The following CHMP7 variants were observed in gnomAD, a reference collection of about 807,000 sequenced individuals.
The protein encoded by CHMP7 is charged multivesicular body protein 7.
CHMP7 carries 15 observed loss-of-function variants against 53.7 expected under a neutral mutation model. The observed-to-expected ratio is 0.28, with a 90% CI of 0.19 to 0.43. The LOEUF is 0.43. Ranked by LOEUF, CHMP7 falls within the 20% of genes least tolerant of loss-of-function variation. CHMP7 has a pLI of 1.00. For synonymous variants in CHMP7, 261 were observed against 228.0 expected, an observed-to-expected ratio of 1.14 and a Z score of -1.30; for missense variants, 527 against 569.4, an observed-to-expected ratio of 0.93 and a Z score of 0.76.
intron 10 of CHMP7, 44 bp from the exon 11 acceptor site, chr8:23,260,494 A>C: frequency 6.3e-7 from 1 of 1,595,322 alleles, no homozygotes; most frequent in Non-Finnish European, 8.6e-7. Flanking sequence ...CTTCATCTTC[A>C]AGATTTTCCT....
chr8:23,259,257 C>T (rs1249968001), intron 9 of CHMP7, 131 bp downstream of exon 9: 6 of 506,464 alleles, frequency 1.2e-5, no homozygotes, highest in Non-Finnish European at 2.1e-5. Context: ...CAAGCTCCGC[C>T]TCCCGGGTTC....
chr8:23,247,001 G>A lies in CHMP7; in HGVS notation c.299+7G>A. 6.6e-7 allele frequency: 1 copy of A among 1,516,678 alleles called. No individual in the cohort carries two copies. The allele number at this position is 1,516,678 out of a possible 1,614,324, so 94.0% of individuals were successfully genotyped here. A position where few individuals can be genotyped will look rare whatever the true frequency, so the allele number is the denominator to read the frequency against. ...TGCTGCAGGACCTGCTGCGGTGAGGGGCGGGCTGGGGCCAGGGCCGCGAGG... is the reference window on the plus strand; with the variant it reads ...TGCTGCAGGACCTGCTGCGGTGAGGAGCGGGCTGGGGCCAGGGCCGCGAGG... On this transcript the variant is annotated splice_region_variant and intron_variant, in intron 2 of 10. Transcript: ENST00000397677.
In CHMP7 at chr8:23,256,445, C is replaced by T. The variant is rs763188511; in HGVS notation, c.658-15C>T. 5.7e-6 allele frequency: 9 copies of T among 1,589,792 alleles called. No homozygotes were observed. The highest frequency in any genetic ancestry group is 7.8e-6 in the Non-Finnish European group (9 of 1,158,066). ...TTTGTGGTAGCAGCAGTAGTAATTT[C>T]TCCCTGTCCCTCAGATTGTGAAGTT... is the stretch of plus-strand genomic sequence containing the variant. On this transcript the variant is annotated splice_polypyrimidine_tract_variant and intron_variant, in intron 4 of 10. Coordinates refer to ENST00000397677, the MANE Select transcript of CHMP7 (RefSeq NM_152272.5).
At chr8:23,246,149 T>C (rs1043173945) in intron 1 of CHMP7, 107 bp from the exon 2 acceptor site, 2 of 152,386 alleles carry the variant, frequency 1.3e-5, no homozygotes, top group Non-Finnish European at 2.9e-5. Context: ...AATTTGATCT[T>C]AATTTGTTCT....
chr8:23,251,339 TTC>T (rs1801923284), intron 3 of CHMP7, among the ~76,000 whole-genome samples: 2 of 152,380 alleles, frequency 1.3e-5, no homozygotes, highest in South Asian at 4.1e-4. Context: ...AATGAAAGTT[TTC>T]TTTCTGTTCA....
intron 3 of CHMP7, among the ~76,000 whole-genome samples, chr8:23,254,624 CTCCTGACCTCAGGTGA>C (rs1563407781): frequency 1.3e-5 from 2 of 152,002 alleles, no homozygotes; most frequent in Admixed American, 6.6e-5. Flanking sequence ...TGGTCTCGAA[CTCCTGACCTCAGGTGA>C]TCCTGACCTC....
At chr8:23,257,142 A>G (rs192985343) in intron 5 of CHMP7, among the ~76,000 whole-genome samples, 2 of 134,454 alleles carry the variant, frequency 1.5e-5, no homozygotes, top group Admixed American at 8.4e-5. Flanking sequence ...ACTGTCCCCT[A>G]GGCTGGAGAG....
intron 2 of CHMP7, chr8:23,247,904 T>A: frequency 2.7e-6 from 1 of 365,294 alleles, no homozygotes; most frequent in Admixed American, 3.6e-5. Flanking sequence ...ACTCTGATGT[T>A]TTTTGTTTGG....
In CHMP7 at chr8:23,243,843, AG is replaced by A. The variant is rs960367509; in HGVS notation, c.-441+1del. 6.5e-6 allele frequency: 1 copy of A among 152,792 alleles called. No individual in the cohort carries two copies. Among genetic ancestry groups the A allele is most frequent in the Non-Finnish European group, 1.5e-5 (1 of 68,470 alleles). The allele number at this position is 152,792 out of a possible 1,614,324, so 9.5% of individuals were successfully genotyped here. A position where few individuals can be genotyped will look rare whatever the true frequency, so the allele number is the denominator to read the frequency against. On this transcript the variant is annotated splice_region_variant and 5_prime_UTR_variant, in exon 1 of 11. An upstream open reading frame in the 5' UTR loses its in-frame stop. Coordinates refer to ENST00000397677, the MANE Select transcript of CHMP7 (RefSeq NM_152272.5). Reference sequence around the variant, plus strand: ...TATTTTGGATTTTCACCATTCTAATAGGTGTGTAGTAGTATGCTATTCTTGT... The same window carrying A: ...TATTTTGGATTTTCACCATTCTAATAGTGTGTAGTAGTATGCTATTCTTGT...
intron 5 of CHMP7, among the ~76,000 whole-genome samples, 159 bp from the exon 6 acceptor site, chr8:23,257,874 A>G (rs1223496296): frequency 6.6e-6 from 1 of 152,208 alleles, no homozygotes; most frequent in African/African-American, 2.4e-5. Context: ...ACTTGCCACA[A>G]GAGTTTTTGC....
chr8:23,245,698 T>C (rs1259499858), intron 1 of CHMP7, among the ~76,000 whole-genome samples: 3 of 67,840 alleles, frequency 4.4e-5, no homozygotes, highest in Non-Finnish European at 9.2e-5. Flanking sequence ...ACAGAACTGG[T>C]ACAACTTTTT....
At chr8:23,255,139 T>A in intron 3 of CHMP7, 108 bp from the exon 4 acceptor site, 2 of 1,114,884 alleles carry the variant, frequency 1.8e-6, no homozygotes, top group Non-Finnish European at 2.6e-6. Context: ...GGGGTTGGGA[T>A]TCCCGGGTGC....
At chr8:23,254,920 T>C in intron 3 of CHMP7, 1 of 402,512 alleles carries the variant, frequency 2.5e-6, no homozygotes, top group South Asian at 2.2e-5. Context: ...TTCACAGCTG[T>C]TCTACCTCAC....
intron 5 of CHMP7, 34 bp from the exon 6 acceptor site, chr8:23,257,999 G>T (rs754567713): frequency 1.3e-6 from 2 of 1,550,536 alleles, no homozygotes. Context: ...CCCATCCTGT[G>T]GCACAGTAAT....
chr8:23,255,521 C>T, intron 4 of CHMP7, 89 bp downstream of exon 4: 2 of 1,239,958 alleles, frequency 1.6e-6, no homozygotes, highest in Non-Finnish European at 2.3e-6. Flanking sequence ...TTTTGGTTTC[C>T]AGAGTTTCAG....
chr8:23,255,112 G>A (rs1168264471), intron 3 of CHMP7, 135 bp from the exon 4 acceptor site: 6 of 830,088 alleles, frequency 7.2e-6, no homozygotes, highest in East Asian at 2.7e-5. Context: ...TTGAAAAGCC[G>A]CTACTTTGGG....
chr8:23,259,845 T>A, intron 9 of CHMP7: 1 of 355,842 alleles, frequency 2.8e-6, no homozygotes, highest in East Asian at 6.2e-5. Context: ...GACCCATCTG[T>A]GCTGCGGCAT....
rs1802130878 is a variant in CHMP7, at chr8:23,256,492, G to A, written c.690G>A (p.Lys230=). The part of the protein sequence containing the change: ...IVKFARGPRA[K]VSPVNDVDVG... Reference sequence around the variant, plus strand: ...AGTTTGCCCGAGGGCCACGTGCCAAGGTCTCTCCAGTCAATGACGTAGATG... The same window carrying A: ...AGTTTGCCCGAGGGCCACGTGCCAAAGTCTCTCCAGTCAATGACGTAGATG... The change falls in exon 5 of 11, where the codon AAG becomes AAA. Residue 230 remains lysine, a synonymous_variant. Transcript: ENST00000397677. 1.2e-6 allele frequency: 2 copies of A among 1,607,936 alleles called. No individual in the cohort carries two copies. Among genetic ancestry groups the A allele is most frequent in the Non-Finnish European group, 1.7e-6 (2 of 1,174,352 alleles).
intron 6 of CHMP7, 35 bp downstream of exon 6, chr8:23,258,116 C>A: frequency 6.3e-7 from 1 of 1,580,634 alleles, no homozygotes; most frequent in Non-Finnish European, 8.7e-7. Flanking sequence ...CATAGCAGTG[C>A]CCCAGGCAGG....
Sources: gnomAD v4.1 joint callset for allele counts (sites outside exome capture counted in the v4.1 genomes callset) on GRCh38, gnomAD v4.1.1 for gene constraint, MANE v1.5 for transcripts, NCBI Gene and HGNC (gene_info 2026-07-23, HGNC 2026-07-21) for gene names.